Variants in ROBO1 observed in about 807,000 individuals in gnomAD.
ROBO1 encodes the protein roundabout guidance receptor 1, also known as roundabout homolog 1.
In ROBO1, 149 loss-of-function variants were observed where a neutral mutation model predicts 195.9. That is an observed-to-expected ratio of 0.76 (90% CI 0.67 to 0.87). ROBO1 has a LOEUF of 0.87. ROBO1 is among the 40% of genes least tolerant of loss of function. The pLI, the probability that ROBO1 is intolerant of heterozygous loss-of-function variation, is 0.00. For synonymous variants in ROBO1, 816 were observed against 733.2 expected (o/e 1.11, Z -1.82); for missense variants, 1,933 against 2,068.3 (o/e 0.93, Z 1.27).
chr3:79,284,163 A>G (rs1183840538), intron 2 of ROBO1, among the ~76,000 whole-genome samples: 4 of 151,746 alleles, frequency 2.6e-5, no homozygotes, highest in African/African-American at 9.7e-5. Context: ...CCAATTTGGC[A>G]CCCTAGATAT....
At chr3:79,237,042 G>A (rs773955371) in intron 2 of ROBO1, among the ~76,000 whole-genome samples, 1 of 152,100 alleles carries the variant, frequency 6.6e-6, no homozygotes, top group African/African-American at 2.4e-5. Flanking sequence ...AAGAAAAAAT[G>A]TTATAAATCA....
chr3:79,181,514 T>C (rs1218933655), intron 2 of ROBO1, among the ~76,000 whole-genome samples: 1 of 152,204 alleles, frequency 6.6e-6, no homozygotes, highest in African/African-American at 2.4e-5. Context: ...ATCTAGGATT[T>C]CTCTGGTGTG....
chr3:79,596,838 G>A (rs941920829), intron 1 of ROBO1, among the ~76,000 whole-genome samples: 1 of 151,980 alleles, frequency 6.6e-6, no homozygotes, highest in Non-Finnish European at 1.5e-5. Flanking sequence ...GGAAGATGAA[G>A]CTCAGCACAA....
At chr3:79,278,769 A>T (rs2108994768) in intron 2 of ROBO1, among the ~76,000 whole-genome samples, 1 of 152,274 alleles carries the variant, frequency 6.6e-6, no homozygotes, top group Admixed American at 6.5e-5. Context: ...GCTTCAGAAC[A>T]TTGGCCTGGG....
chr3:79,056,063 C>G (rs533398382), intron 3 of ROBO1, among the ~76,000 whole-genome samples: 129 of 152,116 alleles, frequency 8.5e-4, no homozygotes, highest in Non-Finnish European at 1.7e-3. Flanking sequence ...CCATCCAACC[C>G]AGCATGCCTG....
Position 79,043,976 on chromosome 3 carries a change from C to G in ROBO1, c.172+81480G>C, listed in dbSNP as rs1002306366. Among the ~76,000 whole-genome samples the G allele has an allele frequency of 3.1e-4, 47 of 151,946 alleles. 1 individual carries two copies. Among genetic ancestry groups the G allele is most frequent in the Non-Finnish European group, 8.8e-5 (6 of 67,994 alleles). ...CTCTACAAATGTAATTATTATATGG[C>G]TGCATTAAAATTTACCTTGAGATAT... is the stretch of plus-strand genomic sequence containing the variant. On this transcript the variant is annotated intron_variant, in intron 3 of 30. Transcript: ENST00000464233.
At chr3:78,971,066 C>G (rs1449330651) in intron 3 of ROBO1, among the ~76,000 whole-genome samples, 1 of 152,078 alleles carries the variant, frequency 6.6e-6, no homozygotes. Flanking sequence ...AGATTTGGTT[C>G]AGAGTAGAAT....
At chr3:78,893,071 G>A (rs773153268) in intron 4 of ROBO1, among the ~76,000 whole-genome samples, 5 of 152,138 alleles carry the variant, frequency 3.3e-5, no homozygotes, top group African/African-American at 9.7e-5. Context: ...TAAGCACAGC[G>A]TACTAGGAGA....
chr3:79,316,690 A>G (rs2033751608), intron 2 of ROBO1, among the ~76,000 whole-genome samples: 1 of 152,150 alleles, frequency 6.6e-6, no homozygotes, highest in Non-Finnish European at 1.5e-5. Flanking sequence ...TAAGAAAAAT[A>G]TAATATAAAT....
At chr3:78,960,806 A>G (rs892162447) in intron 3 of ROBO1, among the ~76,000 whole-genome samples, 8 of 151,420 alleles carry the variant, frequency 5.3e-5, no homozygotes, top group South Asian at 2.1e-4. Context: ...ACACACACAC[A>G]CACACACACA....
chr3:79,178,256 G>A (rs1396089834), intron 2 of ROBO1, among the ~76,000 whole-genome samples: 1 of 152,164 alleles, frequency 6.6e-6, no homozygotes, highest in Admixed American at 6.5e-5. Flanking sequence ...AGTGTTGAGA[G>A]TAATCCATTT....
At chr3:79,503,758 A>G (rs1284816226) in intron 2 of ROBO1, among the ~76,000 whole-genome samples, 1 of 152,136 alleles carries the variant, frequency 6.6e-6, no homozygotes, top group Non-Finnish European at 1.5e-5. Flanking sequence ...AAATGGAACC[A>G]TGTTTTTCCC....
chr3:79,280,058 G>A (rs2031387470), intron 2 of ROBO1, among the ~76,000 whole-genome samples: 1 of 152,154 alleles, frequency 6.6e-6, no homozygotes, highest in Non-Finnish European at 1.5e-5. Context: ...TGATCTCATA[G>A]AAGTATTGTA....
At chr3:79,314,545 A>C (rs2033645318) in intron 2 of ROBO1, among the ~76,000 whole-genome samples, 1 of 152,204 alleles carries the variant, frequency 6.6e-6, no homozygotes, top group Non-Finnish European at 1.5e-5. Context: ...GCCATGCTCA[A>C]CTGTGAGTCA....
chr3:79,713,271 T>C (rs1028495705), intron 1 of ROBO1, among the ~76,000 whole-genome samples: 1 of 152,114 alleles, frequency 6.6e-6, no homozygotes, highest in Non-Finnish European at 1.5e-5. Context: ...AAATTTGACC[T>C]TCAAATCTTA....
chr3:78,717,227 G>A (rs372183177), intron 7 of ROBO1, 48 bp downstream of exon 7: 161 of 1,507,996 alleles, frequency 1.1e-4, no homozygotes, highest in East Asian at 7.0e-5. Flanking sequence ...GATGAGAAAC[G>A]TAGAAATGCT....
intron 1 of ROBO1, among the ~76,000 whole-genome samples, chr3:79,657,671 G>A (rs1039905814): frequency 2.6e-5 from 4 of 151,952 alleles, no homozygotes; most frequent in Non-Finnish European, 5.9e-5. Context: ...AAACGTTACC[G>A]AGTCTAAAAT....
intron 2 of ROBO1, among the ~76,000 whole-genome samples, chr3:79,383,177 T>C (rs568565763): frequency 6.6e-6 from 1 of 152,130 alleles, no homozygotes; most frequent in African/African-American, 2.4e-5. Flanking sequence ...AAAGTTAAAG[T>C]ATGCAAGATC....
intron 4 of ROBO1, among the ~76,000 whole-genome samples, chr3:78,786,981 C>G (rs1025363874): frequency 1.3e-5 from 2 of 152,128 alleles, no homozygotes; most frequent in African/African-American, 4.8e-5. Context: ...GTATGCAACT[C>G]CAGGGCTGGA....
Sources: allele counts gnomAD v4.1 joint callset (sites outside exome capture counted in the v4.1 genomes callset), GRCh38; gene constraint gnomAD v4.1.1; transcripts MANE v1.5; gene names NCBI Gene and HGNC (gene_info 2026-07-23, HGNC 2026-07-21).